The following CDH13 variants were observed in gnomAD, a reference collection of about 807,000 sequenced individuals.
CDH13 encodes cadherin 13.
Under a neutral mutation model 63.8 loss-of-function variants are expected in CDH13, and 24 were observed. That is an observed-to-expected ratio of 0.38 (90% CI 0.27 to 0.53). The LOEUF (loss-of-function observed/expected upper bound fraction) is 0.53, where lower values mean the gene tolerates loss of function less well. CDH13 is among the 20% of genes least tolerant of loss of function. The pLI is 0.85. For missense variants in CDH13, 1,049 were observed against 903.1 expected, an observed-to-expected ratio of 1.16 and a Z score of -2.07; for synonymous variants, 503 against 355.3, an observed-to-expected ratio of 1.42 and a Z score of -4.67.
At chr16:83,311,846 G>A (rs896926573) in intron 5 of CDH13, among the ~76,000 whole-genome samples, 5 of 152,130 alleles carry the variant, frequency 3.3e-5, no homozygotes, top group African/African-American at 9.7e-5. Flanking sequence ...AGGCCAAGGC[G>A]GGTGGATCAC....
At chr16:82,634,708 C>A (rs572350537) in intron 1 of CDH13, among the ~76,000 whole-genome samples, 1 of 152,284 alleles carries the variant, frequency 6.6e-6, no homozygotes, top group South Asian at 2.1e-4. Context: ...GAAAAAGTTT[C>A]CTGACTCTTT....
chr16:83,236,415 A>G (rs1299924156), intron 5 of CDH13, among the ~76,000 whole-genome samples: 1 of 152,238 alleles, frequency 6.6e-6, no homozygotes, highest in Admixed American at 6.5e-5. Flanking sequence ...CACTTTTAAG[A>G]AAGAAAAGCT....
At chr16:83,321,943 C>G (rs548098334) in intron 5 of CDH13, among the ~76,000 whole-genome samples, 74 of 152,270 alleles carry the variant, frequency 4.9e-4, no homozygotes, top group Middle Eastern at 3.4e-3. Flanking sequence ...CCATGGAGCA[C>G]TGGTAGGTGG....
intron 1 of CDH13, among the ~76,000 whole-genome samples, chr16:82,856,589 C>T (rs1030414116): frequency 2.8e-5 from 4 of 142,062 alleles, no homozygotes; most frequent in African/African-American, 7.9e-5. Context: ...GTAGTCTCAG[C>T]TACTTGGGAG....
intron 2 of CDH13, among the ~76,000 whole-genome samples, chr16:82,905,027 G>A (rs2041595717): frequency 6.6e-6 from 1 of 152,128 alleles, no homozygotes; most frequent in South Asian, 2.1e-4. Context: ...GACTCTAGCA[G>A]CTGCAATTGG....
intron 2 of CDH13, among the ~76,000 whole-genome samples, chr16:83,007,061 T>G (rs993467791): frequency 6.6e-6 from 1 of 151,998 alleles, no homozygotes; most frequent in Non-Finnish European, 1.5e-5. Context: ...GTAGCTGGGA[T>G]TACAGGCATG....
Position 83,047,771 on chromosome 16 carries a change from T to G in CDH13, c.366+15553T>G, listed in dbSNP as rs932140779. The stretch of plus-strand genomic sequence containing the variant: ...AATAATGCAGATCGTAGTCAATTTA[T>G]TTAGCTCAAACGTTGTGCGGGGCAC... On this transcript the variant is annotated intron_variant, in intron 3 of 13. Transcript: ENST00000567109. The surrounding 1 kb of genome is among the most constrained non-coding windows in gnomAD (Gnocchi z 4.9). Among the ~76,000 whole-genome samples the G allele has an allele frequency of 1.3e-5, 2 of 152,226 alleles. No individual in the cohort carries two copies. The highest frequency in any genetic ancestry group is 4.8e-5 in the African/African-American group (2 of 41,458).
At chr16:83,337,454 C>A (rs2090623256) in intron 5 of CDH13, among the ~76,000 whole-genome samples, 1 of 152,054 alleles carries the variant, frequency 6.6e-6, no homozygotes, top group Non-Finnish European at 1.5e-5. Flanking sequence ...ACCTAGTGCC[C>A]ATCTACCATG....
At chr16:82,755,993 C>G (rs1319595002) in intron 1 of CDH13, among the ~76,000 whole-genome samples, 2 of 152,056 alleles carry the variant, frequency 1.3e-5, no homozygotes, top group Non-Finnish European at 2.9e-5. Context: ...AGTTGCAGAG[C>G]GTTCTAGGAG....
At chr16:83,375,925 C>A (rs983069270) in intron 6 of CDH13, among the ~76,000 whole-genome samples, 1 of 152,064 alleles carries the variant, frequency 6.6e-6, no homozygotes, top group East Asian at 1.9e-4. Flanking sequence ...AGGCAGACGT[C>A]ATGCAGAGTG....
chr16:83,200,843 G>C (rs982958733), intron 4 of CDH13, among the ~76,000 whole-genome samples: 6 of 152,112 alleles, frequency 3.9e-5, no homozygotes, highest in African/African-American at 1.4e-4. Context: ...CAGAGGAAGA[G>C]AGATATTCAT....
intron 6 of CDH13, among the ~76,000 whole-genome samples, chr16:83,454,824 A>G (rs1467157249): frequency 6.6e-6 from 1 of 152,048 alleles, no homozygotes; most frequent in African/African-American, 2.4e-5. Context: ...CTCTTGCCTC[A>G]GCCTCCTGAG....
At chr16:82,869,081 C>T (rs532818525) in intron 2 of CDH13, among the ~76,000 whole-genome samples, 1 of 152,284 alleles carries the variant, frequency 6.6e-6, no homozygotes, top group African/African-American at 2.4e-5. Flanking sequence ...GAGTCTCTCC[C>T]TGTTACCCAG....
At chr16:83,368,703 T>C (rs1368661158) in intron 6 of CDH13, among the ~76,000 whole-genome samples, 2 of 151,310 alleles carry the variant, frequency 1.3e-5, no homozygotes, top group African/African-American at 4.9e-5. Context: ...CACAGTCCAA[T>C]ACATTATTCT....
intron 3 of CDH13, among the ~76,000 whole-genome samples, chr16:83,114,646 T>A (rs2151626849): frequency 6.6e-6 from 1 of 152,348 alleles, no homozygotes; most frequent in South Asian, 2.1e-4. Flanking sequence ...GCCTCTAGAA[T>A]ATTGGGAAAA....
intron 2 of CDH13, among the ~76,000 whole-genome samples, chr16:82,891,755 T>A (rs970967832): frequency 6.6e-6 from 1 of 152,162 alleles, no homozygotes; most frequent in Non-Finnish European, 1.5e-5. Flanking sequence ...TGGGTTTCCA[T>A]AGGACCAGGC....
At chr16:83,663,380 C>T (rs1431872191) in intron 8 of CDH13, among the ~76,000 whole-genome samples, 1 of 152,182 alleles carries the variant, frequency 6.6e-6, no homozygotes, top group East Asian at 1.9e-4. Flanking sequence ...TTCTAATTTG[C>T]CATTTAGAAA....
chr16:83,165,471 C>G (rs957648335), intron 4 of CDH13, among the ~76,000 whole-genome samples: 2 of 152,080 alleles, frequency 1.3e-5, no homozygotes, highest in African/African-American at 2.4e-5. Flanking sequence ...CTGAAAGGCA[C>G]TCAGCATTTG....
chr16:83,466,742 A>G (rs2073326918), intron 6 of CDH13, among the ~76,000 whole-genome samples: 1 of 152,210 alleles, frequency 6.6e-6, no homozygotes, highest in South Asian at 2.1e-4. Context: ...TGCATCTGCC[A>G]TCCTGGGTCA....
Sources: allele counts gnomAD v4.1 joint callset (sites outside exome capture counted in the v4.1 genomes callset), GRCh38; gene constraint gnomAD v4.1.1; non-coding constraint Gnocchi (gnomAD v3.1); transcripts MANE v1.5; gene names NCBI Gene and HGNC (gene_info 2026-07-23, HGNC 2026-07-21).